ZNF320: variants seen among roughly 807,000 people sequenced by gnomAD.
ZNF320 encodes the protein zinc finger gene 320.
Under a neutral mutation model 6.8 loss-of-function variants are expected in ZNF320, and 2 were observed. That is an observed-to-expected ratio of 0.29 (90% CI 0.12 to 0.93). The LOEUF is 0.93. ZNF320 is among the 40% of genes least tolerant of loss of function. The pLI, the probability that ZNF320 is intolerant of heterozygous loss-of-function variation, is 0.55. For synonymous variants in ZNF320, 208 were observed against 203.2 expected, an observed-to-expected ratio of 1.02 and a Z score of -0.20; for missense variants, 472 against 611.0, an observed-to-expected ratio of 0.77 and a Z score of 2.40.
At chr19:52,887,007 A>T (rs2064108353) in intron 5 of ZNF320, among the ~76,000 whole-genome samples, 1 of 81,704 alleles carries the variant, frequency 1.2e-5, no homozygotes, top group African/African-American at 5.0e-5. Context: ...GGAAGGAAGG[A>T]AAAGAAAAAA....
At chr19:52,863,127 G>C (rs57879585) in exon 6 of ZNF320, among the ~76,000 whole-genome samples, 1 of 152,160 alleles carries the variant, frequency 6.6e-6, no homozygotes, top group East Asian at 1.9e-4. Context: ...GCCTGGCTAA[G>C]TTTTGTATTT....
At chr19:52,860,605 A>AAAAG (rs1555813170), downstream of ZNF320, among the ~76,000 whole-genome samples, 37 of 151,852 alleles carry the variant, frequency 2.4e-4, no homozygotes, top group East Asian at 6.4e-3. Flanking sequence ...ATCAAAAAAA[A>AAAAG]AAAAAGAAAA....
At chr19:52,894,991 T>G (rs1013004835) in intron 1 of ZNF320, 4 of 152,354 alleles carry the variant, frequency 2.6e-5, no homozygotes, top group African/African-American at 4.8e-5. Context: ...TGGGCTCTGC[T>G]GGAACAAGGT....
chr19:52,890,815 G>C (rs2064265081), intron 3 of ZNF320, among the ~76,000 whole-genome samples: 1 of 152,048 alleles, frequency 6.6e-6, no homozygotes, highest in African/African-American at 2.4e-5. Context: ...AAGAGTTCGA[G>C]ACCAGCCTGG....
At chr19:52,883,600 G>C (rs1335139764) in intron 5 of ZNF320, 2 of 455,286 alleles carry the variant, frequency 4.4e-6, no homozygotes, top group South Asian at 3.1e-5. Flanking sequence ...GAATTATAAG[G>C]AATAAGAATT....
At chr19:52,869,546 T>C (rs1008581792) in intron 5 of ZNF320, among the ~76,000 whole-genome samples, 1 of 152,074 alleles carries the variant, frequency 6.6e-6, no homozygotes, top group African/African-American at 2.4e-5. Context: ...AGGTTTTTTT[T>C]CTTTTTTTGA....
chr19:52,886,977 A>AAGGAAGGAAGGAAG (rs2064102785), intron 5 of ZNF320, among the ~76,000 whole-genome samples: 48 of 123,228 alleles, frequency 3.9e-4, no homozygotes, highest in African/African-American at 1.4e-3. Flanking sequence ...AAAGAAAGAA[A>AAGGAAGGAAGGAAG]GAAGGAAGGA....
upstream of ZNF320, among the ~76,000 whole-genome samples, chr19:52,899,587 C>T (rs1464801828): frequency 1.3e-5 from 2 of 152,126 alleles, no homozygotes; most frequent in Admixed American, 1.3e-4. Flanking sequence ...CTCAGCCTCC[C>T]TAGTAGCTGG....
intron 4 of ZNF320, 115 bp downstream of exon 4, chr19:52,890,126 T>A: frequency 1.4e-6 from 2 of 1,477,418 alleles, no homozygotes; most frequent in Non-Finnish European, 9.3e-7. Context: ...GCATGGGTGA[T>A]TGTGAGCAAA....
At chr19:52,867,563 TG>T (rs2063599392) in intron 5 of ZNF320, among the ~76,000 whole-genome samples, 1 of 152,148 alleles carries the variant, frequency 6.6e-6, no homozygotes, top group Non-Finnish European at 1.5e-5. Flanking sequence ...AATTTGGTCA[TG>T]GGTGTTGACT....
intron 1 of ZNF320, 142 bp downstream of exon 1, chr19:52,897,378 G>C (rs2064507609): frequency 6.6e-6 from 1 of 152,254 alleles, no homozygotes; most frequent in African/African-American, 2.4e-5. Context: ...GAAACAGCGC[G>C]AGGCGGGAGG....
At chr19:52,862,521 A>G in exon 6 of ZNF320, 1 of 354,162 alleles carries the variant, frequency 2.8e-6, no homozygotes, top group Admixed American at 3.7e-5. Flanking sequence ...TCTTCATTAT[A>G]GGTTCTCCAA....
chr19:52,869,850 G>A (rs2063647776), intron 5 of ZNF320, among the ~76,000 whole-genome samples: 1 of 152,034 alleles, frequency 6.6e-6, no homozygotes, highest in African/African-American at 2.4e-5. Flanking sequence ...TGAGTAGCTG[G>A]GACTACAGGC....
Position 52,867,875 on chromosome 19 carries a change from G to A in ZNF320, c.224-3716C>T, listed in dbSNP as rs563948879. ...GATCTGCCCGTCTCGGCCGCCCAAAGTACTGGGATTACAGGCTTGAGCCAC... is the reference window on the plus strand; with the variant it reads ...GATCTGCCCGTCTCGGCCGCCCAAAATACTGGGATTACAGGCTTGAGCCAC... On this transcript the variant is annotated intron_variant, in intron 5 of 5. Transcript: ENST00000673631. 2.0e-5 allele frequency among the ~76,000 whole-genome samples: 3 copies of A among 152,262 alleles called. No individual in the cohort carries two copies. In the South Asian group the frequency reaches 6.2e-4, roughly 32 times the overall value.
intron 1 of ZNF320, chr19:52,894,274 A>C (rs1398299912): frequency 6.6e-6 from 1 of 151,704 alleles, no homozygotes; most frequent in Non-Finnish European, 1.5e-5. Context: ...AGTCCCAGGT[A>C]CTCTGGAGGC....
chr19:52,873,624 T>A (rs979676497), downstream of ZNF320, among the ~76,000 whole-genome samples: 3 of 152,198 alleles, frequency 2.0e-5, no homozygotes, highest in Non-Finnish European at 2.9e-5. Context: ...CCCCACAACG[T>A]ATGACTTTCA....
intron 5 of ZNF320, among the ~76,000 whole-genome samples, chr19:52,864,711 A>G (rs887376129): frequency 6.6e-6 from 1 of 152,106 alleles, no homozygotes; most frequent in Non-Finnish European, 1.5e-5. Context: ...ACTCCATCTC[A>G]ATAAAATAAA....
exon 6 of ZNF320, chr19:52,861,987 C>T (rs1355713914): frequency 1.6e-5 from 6 of 367,694 alleles, no homozygotes; most frequent in Non-Finnish European, 3.3e-5. Context: ...GACTGAAGAC[C>T]TTGCCTCAAT....
downstream of ZNF320, among the ~76,000 whole-genome samples, chr19:52,873,482 G>A (rs1198339266): frequency 3.3e-5 from 5 of 152,192 alleles, no homozygotes; most frequent in Non-Finnish European, 7.3e-5. Context: ...TGTGAGCACA[G>A]GGTTGGGGCT....
Sources: gnomAD v4.1 joint callset for allele counts (sites outside exome capture counted in the v4.1 genomes callset) on GRCh38, gnomAD v4.1.1 for gene constraint, MANE v1.5 for transcripts, NCBI Gene and HGNC (gene_info 2026-07-23, HGNC 2026-07-21) for gene names.